Variants in WWTR1 observed in about 807,000 individuals in gnomAD.
WWTR1 encodes the protein WW domain-containing transcription regulator protein 1.
Under a neutral mutation model 40.1 loss-of-function variants are expected in WWTR1, and 13 were observed. That is an observed-to-expected ratio of 0.32 (90% CI 0.21 to 0.52). The LOEUF is 0.52. Ranked by LOEUF, WWTR1 falls within the 20% of genes least tolerant of loss-of-function variation. The pLI is 0.97. For synonymous variants in WWTR1, 230 were observed against 210.1 expected, an observed-to-expected ratio of 1.09 and a Z score of -0.82; for missense variants, 436 against 523.1, an observed-to-expected ratio of 0.83 and a Z score of 1.63.
rs138816366 is a variant in WWTR1 at position 149,604,171 on chromosome 3, T to C, written c.432-31171A>G. Among the ~76,000 whole-genome samples the C allele has an allele frequency of 1.9e-3, 287 of 152,338 alleles. 1 individual carries two copies. Among genetic ancestry groups the C allele is most frequent in the African/African-American group, 6.7e-3 (278 of 41,574 alleles). On this transcript the variant is annotated intron_variant, in intron 2 of 6. Transcript: ENST00000360632. Reference sequence around the variant, plus strand: ...TGCTCCAACCCTGTAAGATAAGTATTATCCCAACTTTATAGGCTAAGGACC... The same window carrying C: ...TGCTCCAACCCTGTAAGATAAGTATCATCCCAACTTTATAGGCTAAGGACC...
At chr3:149,594,400 G>GAAAA (rs1738879214) in intron 2 of WWTR1, among the ~76,000 whole-genome samples, 1 of 152,052 alleles carries the variant, frequency 6.6e-6, no homozygotes, top group Admixed American at 6.6e-5. Flanking sequence ...AAACACATCT[G>GAAAA]AGACCATTAG....
chr3:149,561,038 A>AT (rs1195718450), intron 3 of WWTR1, among the ~76,000 whole-genome samples: 3 of 151,828 alleles, frequency 2.0e-5, no homozygotes, highest in Non-Finnish European at 4.4e-5. Context: ...TCAAAATTGT[A>AT]TTTTTTAAGA....
rs1714685840 is a variant in WWTR1 at position 149,687,303 on chromosome 3, T to C, written c.-108+15821A>G. Among the ~76,000 whole-genome samples, 3 of 152,354 alleles carry C rather than the reference T, an allele frequency of 2.0e-5. No individual in the cohort carries two copies. The South Asian group carries it at 6.2e-4, about 32-fold the overall frequency. ...GGAACTCACTACTGAGTTGCTCTCC[T>C]GGTGAATCCTGCCCTGACTCTGATC... On this transcript the variant is annotated intron_variant, in intron 1 of 7. Coordinates refer to the WWTR1 transcript ENST00000465804.
At chr3:149,638,773 C>G (rs867579669) in intron 2 of WWTR1, among the ~76,000 whole-genome samples, 1 of 152,152 alleles carries the variant, frequency 6.6e-6, no homozygotes, top group Non-Finnish European at 1.5e-5. Context: ...TGCTCTTTTA[C>G]AAAGAAGCTC....
intron 2 of WWTR1, among the ~76,000 whole-genome samples, chr3:149,668,685 A>G (rs59951166): frequency 1.1e-4 from 17 of 152,226 alleles, no homozygotes; most frequent in African/African-American, 4.1e-4. Context: ...GTTGGATCCC[A>G]TTCTTAGAAA....
At chr3:149,715,617 G>A (rs554576569) in intron 5 of WWTR1, among the ~76,000 whole-genome samples, 7 of 152,348 alleles carry the variant, frequency 4.6e-5, no homozygotes, top group African/African-American at 1.2e-4. Context: ...GGCGGAACAA[G>A]CCCAGAGGGC....
rs764013293 is a variant in WWTR1 at position 149,651,829 on chromosome 3, CTTTTTT to C, written c.431+5041_431+5046del. On this transcript the variant is annotated intron_variant, in intron 2 of 6. Coordinates refer to ENST00000360632, the MANE Select transcript of WWTR1 (RefSeq NM_015472.6). ...CATGTAAATGTTGCCTATGGATTTT[CTTTTTT>C]TTTTTTTTTTTTGAGATGGAGTCTG... is the stretch of plus-strand genomic sequence containing the variant. Among the ~76,000 whole-genome samples, 16 of 118,018 alleles carry C rather than the reference CTTTTTT, an allele frequency of 1.4e-4. No homozygotes were observed. The South Asian group carries it at 2.3e-3, about 17-fold the overall frequency. The allele number at this position is 118,018 out of a possible 152,430, so 77.4% of individuals were successfully genotyped here.
chr3:149,517,933 G>A lies in WWTR1; in HGVS notation c.*2872C>T, dbSNP rs1734864141. ...ATGATGATGTTTACTGATTGATTTAGTACTAAAAAGACTAGTACTAAGAAG... is the reference window on the plus strand; with the variant it reads ...ATGATGATGTTTACTGATTGATTTAATACTAAAAAGACTAGTACTAAGAAG... On this transcript the variant is annotated 3_prime_UTR_variant, in exon 7 of 7. Coordinates refer to ENST00000360632, the MANE Select transcript of WWTR1 (RefSeq NM_015472.6). 3 of 152,112 alleles carry A rather than the reference G, an allele frequency of 2.0e-5. No individual in the cohort carries two copies. In the South Asian group the frequency reaches 6.2e-4, roughly 32 times the overall value. 9.4% of individuals were successfully genotyped at this position (152,112 alleles called of 1,614,324 possible). A position where few individuals can be genotyped will look rare whatever the true frequency, so the allele number is the denominator to read the frequency against.
At chr3:149,570,641 G>C (rs1425186055) in intron 3 of WWTR1, among the ~76,000 whole-genome samples, 1 of 151,534 alleles carries the variant, frequency 6.6e-6, no homozygotes, top group East Asian at 1.9e-4. Flanking sequence ...GGAAACTAAG[G>C]TATTTTACTG....
intron 1 of WWTR1, chr3:149,701,987 G>C (rs1715194060): frequency 1.2e-5 from 2 of 172,936 alleles, no homozygotes; most frequent in South Asian, 4.0e-4. Flanking sequence ...TTCATGTTTA[G>C]GGGGAAAATG....
At chr3:149,596,046 AC>A (rs892996761) in intron 2 of WWTR1, among the ~76,000 whole-genome samples, 1 of 152,150 alleles carries the variant, frequency 6.6e-6, no homozygotes, top group African/African-American at 2.4e-5. Flanking sequence ...TCAAAAAAAA[AC>A]AAAAACAAAA....
chr3:149,699,972 G>T (rs960411421), intron 1 of WWTR1, among the ~76,000 whole-genome samples: 4 of 151,664 alleles, frequency 2.6e-5, no homozygotes, highest in Non-Finnish European at 4.4e-5. Context: ...TACTATAAAG[G>T]TATACCAGAG....
rs527844464 is a variant in WWTR1, at chr3:149,693,716, CA to C, written c.-108+9407del. Among the ~76,000 whole-genome samples, 867 of 152,190 alleles carry C rather than the reference CA, an allele frequency of 5.7e-3. 9 individuals carry two copies. The highest frequency in any genetic ancestry group is 0.019 in the African/African-American group (793 of 41,532). On this transcript the variant is annotated intron_variant, in intron 1 of 7. Coordinates refer to the WWTR1 transcript ENST00000465804. ...ACATCTACAGTGAATTCATTTTCAA[CA>C]AAGGTACCAAGAACATACACTGGGG... is the stretch of plus-strand genomic sequence containing the variant.
intron 2 of WWTR1, among the ~76,000 whole-genome samples, chr3:149,582,722 T>A (rs1738211184): frequency 1.3e-5 from 2 of 151,474 alleles, no homozygotes. Flanking sequence ...AGAGCAAAAC[T>A]CTGTCTCAAA....
intron 1 of WWTR1, among the ~76,000 whole-genome samples, chr3:149,697,115 G>T (rs1715018993): frequency 6.6e-6 from 1 of 152,146 alleles, no homozygotes; most frequent in African/African-American, 2.4e-5. Context: ...TTGCTATAAA[G>T]GAATACCTAA....
chr3:149,714,374 C>A (rs982953289), intron 5 of WWTR1, among the ~76,000 whole-genome samples: 1 of 152,188 alleles, frequency 6.6e-6, no homozygotes. Flanking sequence ...CCACCCTTGC[C>A]CCGGTAGGCT....
intron 2 of WWTR1, among the ~76,000 whole-genome samples, chr3:149,580,095 G>A (rs577153233): frequency 1.3e-5 from 2 of 152,128 alleles, no homozygotes; most frequent in Non-Finnish European, 1.5e-5. Flanking sequence ...GTATGCAAAA[G>A]GTGGTTTACT....
At chr3:149,525,132 C>T (rs1175352642) in intron 6 of WWTR1, among the ~76,000 whole-genome samples, 2 of 152,106 alleles carry the variant, frequency 1.3e-5, no homozygotes, top group African/African-American at 4.8e-5. Context: ...TAAGAGTAAC[C>T]CTGACTCTCT....
intron 3 of WWTR1, among the ~76,000 whole-genome samples, chr3:149,554,570 C>T (rs16861987): frequency 0.15 from 23,071 of 151,954 alleles, 2,069 homozygotes; most frequent in South Asian, 0.34. Flanking sequence ...AACTGCATTA[C>T]CCCAAATGTA....
Sources: allele counts gnomAD v4.1 joint callset (sites outside exome capture counted in the v4.1 genomes callset), GRCh38; gene constraint gnomAD v4.1.1; transcripts MANE v1.5; gene names NCBI Gene and HGNC (gene_info 2026-07-23, HGNC 2026-07-21).